The following UBXN2B variants were observed in gnomAD, a reference collection of about 807,000 sequenced individuals.
UBXN2B encodes the protein UBX domain-containing protein 2B.
In UBXN2B, 19 loss-of-function variants were observed where a neutral mutation model predicts 37.5. That is an observed-to-expected ratio of 0.51 (90% CI 0.35 to 0.74). The LOEUF is 0.74. Ranked by LOEUF, UBXN2B falls within the 30% of genes least tolerant of loss-of-function variation. UBXN2B has a pLI of 0.01. For missense variants in UBXN2B, 370 were observed against 393.2 expected (o/e 0.94, Z 0.50); for synonymous variants, 145 against 143.8 (o/e 1.01, Z -0.06).
intron 2 of UBXN2B, among the ~76,000 whole-genome samples, chr8:58,419,637 C>G (rs1807874614): frequency 6.6e-6 from 1 of 152,156 alleles, no homozygotes; most frequent in South Asian, 2.1e-4. Flanking sequence ...GAATAAGATG[C>G]CTAGCACAGA....
chr8:58,411,671 C>T (rs1287769461), intron 1 of UBXN2B, among the ~76,000 whole-genome samples: 1 of 152,244 alleles, frequency 6.6e-6, no homozygotes, highest in Non-Finnish European at 1.5e-5. Flanking sequence ...GCCTCCAGCG[C>T]TGGTGCTTTG....
At chr8:58,412,431 A>G (rs1229161958) in intron 1 of UBXN2B, among the ~76,000 whole-genome samples, 4 of 152,388 alleles carry the variant, frequency 2.6e-5, no homozygotes, top group Non-Finnish European at 4.4e-5. Flanking sequence ...GAAATAGGGT[A>G]TGAATACTTA....
Position 58,433,255 on chromosome 8 carries a change from A to C in UBXN2B, c.423+12A>C. On this transcript the variant is annotated intron_variant, in intron 4 of 7. Transcript: ENST00000399598. ...ATCAGCTGCAAGATGTAGGTACAAT[A>C]ATCAAAATGAAAAAGTATAAATATT... is the stretch of plus-strand genomic sequence containing the variant. 1 of 1,583,240 alleles carries C rather than the reference A, an allele frequency of 6.3e-7. No individual in the cohort carries two copies. Among genetic ancestry groups the C allele is most frequent in the Non-Finnish European group, 8.6e-7 (1 of 1,161,668 alleles).
intron 5 of UBXN2B, chr8:58,435,092 G>T: frequency 7.0e-7 from 1 of 1,426,160 alleles, no homozygotes; most frequent in Non-Finnish European, 9.1e-7. Flanking sequence ...GCTTTTCTGT[G>T]TTATGATTAA....
intron 6 of UBXN2B, among the ~76,000 whole-genome samples, chr8:58,441,911 A>T (rs573334766): frequency 1.3e-5 from 2 of 152,366 alleles, no homozygotes; most frequent in African/African-American, 4.8e-5. Context: ...TTTATAGAAT[A>T]TCTGGAAGAG....
intron 1 of UBXN2B, among the ~76,000 whole-genome samples, chr8:58,415,006 T>G (rs181934118): frequency 7.0e-4 from 106 of 152,272 alleles, no homozygotes; most frequent in Non-Finnish European, 8.7e-4. Context: ...TATTTCTGAT[T>G]CATTTTCTAT....
chr8:58,425,620 A>C (rs1202163392), intron 2 of UBXN2B: 1 of 1,122,764 alleles, frequency 8.9e-7, no homozygotes, highest in South Asian at 1.2e-5. Flanking sequence ...TAGTGTCTCA[A>C]ATTCTTCCGA....
At chr8:58,438,307 C>T (rs991964159) in intron 5 of UBXN2B, among the ~76,000 whole-genome samples, 2 of 152,220 alleles carry the variant, frequency 1.3e-5, no homozygotes, top group Non-Finnish European at 2.9e-5. Context: ...GGTGCACTGC[C>T]TAGTGGAGCT....
At chr8:58,430,165 C>A (rs1808232305) in intron 2 of UBXN2B, among the ~76,000 whole-genome samples, 1 of 152,134 alleles carries the variant, frequency 6.6e-6, no homozygotes, top group African/African-American at 2.4e-5. Flanking sequence ...AAGGGACTAT[C>A]TTTTGACTGT....
intron 6 of UBXN2B, among the ~76,000 whole-genome samples, chr8:58,444,991 G>C (rs942566590): frequency 1.2e-4 from 18 of 152,108 alleles, no homozygotes; most frequent in African/African-American, 4.3e-4. Context: ...AGATACATGC[G>C]TGTCTTTCTT....
At chr8:58,447,024 C>T (rs541879351) in intron 7 of UBXN2B, among the ~76,000 whole-genome samples, 1 of 151,878 alleles carries the variant, frequency 6.6e-6, no homozygotes, top group Non-Finnish European at 1.5e-5. Flanking sequence ...ATCTTGAACT[C>T]CTGGCCTCAA....
intron 7 of UBXN2B, 103 bp from the exon 8 acceptor site, chr8:58,447,286 A>G (rs1022876661): frequency 1.1e-5 from 12 of 1,078,926 alleles, no homozygotes; most frequent in African/African-American, 1.6e-5. Flanking sequence ...CAACACCTTT[A>G]TATAAAGATT....
intron 6 of UBXN2B, among the ~76,000 whole-genome samples, chr8:58,442,318 A>G (rs1158776943): frequency 1.3e-5 from 2 of 152,248 alleles, no homozygotes; most frequent in East Asian, 3.8e-4. Flanking sequence ...AAAGTGAAGA[A>G]TTACATAGAA....
chr8:58,448,310 A>C lies in UBXN2B; in HGVS notation c.*759A>C, dbSNP rs2129604768. On this transcript the variant is annotated 3_prime_UTR_variant, in exon 8 of 8. Transcript: ENST00000399598. ...TGCCTTAGCCTCCCAAGTAGCTGGG[A>C]TTACAGGCATGCGCCACCATGCCTG... is the stretch of plus-strand genomic sequence containing the variant. 1 of 151,854 alleles carries C rather than the reference A, an allele frequency of 6.6e-6. No homozygotes were observed. Among genetic ancestry groups the C allele is most frequent in the African/African-American group, 2.4e-5 (1 of 41,374 alleles). 9.4% of individuals were successfully genotyped at this position (151,854 alleles called of 1,614,324 possible). A position where few individuals can be genotyped will look rare whatever the true frequency, so the allele number is the denominator to read the frequency against.
intron 7 of UBXN2B, among the ~76,000 whole-genome samples, chr8:58,446,778 C>CTTTTTTTT (rs1585622637): frequency 2.0e-4 from 3 of 14,972 alleles, no homozygotes; most frequent in African/African-American, 5.3e-4. Context: ...GTACAACCTG[C>CTTTTTTTT]ATTTTTTTTT....
chr8:58,424,886 T>C, intron 2 of UBXN2B: 1 of 1,066,996 alleles, frequency 9.4e-7, no homozygotes, highest in Non-Finnish European at 1.5e-6. Context: ...GACTGCACCA[T>C]CTGGATAGTT....
chr8:58,433,670 T>G (rs992824637), intron 4 of UBXN2B, among the ~76,000 whole-genome samples: 2 of 150,204 alleles, frequency 1.3e-5, no homozygotes, highest in African/African-American at 4.9e-5. Flanking sequence ...GCACAGTGGC[T>G]CACGCCTATA....
At chr8:58,419,598 A>G (rs1310017760) in intron 2 of UBXN2B, among the ~76,000 whole-genome samples, 1 of 152,222 alleles carries the variant, frequency 6.6e-6, no homozygotes, top group Non-Finnish European at 1.5e-5. Context: ...GTATAGTAGT[A>G]TTGCTTTGAG....
chr8:58,424,695 G>A (rs187179075), intron 2 of UBXN2B: 27 of 1,333,318 alleles, frequency 2.0e-5, no homozygotes, highest in South Asian at 5.9e-5. Flanking sequence ...GGCGGGGGGG[G>A]GGGCTCTGAT....
Sources: allele counts gnomAD v4.1 joint callset (sites outside exome capture counted in the v4.1 genomes callset), GRCh38; gene constraint gnomAD v4.1.1; transcripts MANE v1.5; gene names NCBI Gene and HGNC (gene_info 2026-07-23, HGNC 2026-07-21).